The following NEO1 variants were observed in gnomAD, a reference collection of about 807,000 sequenced individuals.
NEO1 encodes the protein neogenin.
In NEO1, 63 loss-of-function variants were observed where a neutral mutation model predicts 159.7. The observed-to-expected ratio is 0.39, with a 90% CI of 0.32 to 0.49. The LOEUF (loss-of-function observed/expected upper bound fraction) is 0.49. Ranked by LOEUF, NEO1 falls within the 20% of genes least tolerant of loss-of-function variation. The pLI is 0.85. For missense variants in NEO1, 1,615 were observed against 1,831.0 expected (o/e 0.88, Z 2.15); for synonymous variants, 633 against 662.0 (o/e 0.96, Z 0.67).
chr15:73,194,333 G>A (rs2036411554), intron 7 of NEO1, among the ~76,000 whole-genome samples: 1 of 152,114 alleles, frequency 6.6e-6, no homozygotes, highest in Non-Finnish European at 1.5e-5. Context: ...TAGTTCATTT[G>A]CATTGCTATA....
chr15:73,124,988 T>C (rs1159563589), intron 3 of NEO1, among the ~76,000 whole-genome samples: 1 of 152,246 alleles, frequency 6.6e-6, no homozygotes, highest in Non-Finnish European at 1.5e-5. Flanking sequence ...TTATTCAGTC[T>C]GCTTGCTCAC....
In NEO1 at chr15:73,148,256, G is replaced by A. The variant is rs141496130; in HGVS notation, c.1015+12229G>A. 1.8e-3 allele frequency among the ~76,000 whole-genome samples: 273 copies of A among 152,222 alleles called. 1 individual carries two copies. The highest frequency in any genetic ancestry group is 6.4e-3 in the African/African-American group (265 of 41,532). On this transcript the variant is annotated intron_variant, in intron 5 of 28. Transcript: ENST00000261908. ...CTTAGTAATTTTAATTATATTGTCAGTAAGCTTCTTGTATTAAATATATTG... is the reference window on the plus strand; with the variant it reads ...CTTAGTAATTTTAATTATATTGTCAATAAGCTTCTTGTATTAAATATATTG...
At chr15:73,229,566 TC>T (rs1164235644) in intron 7 of NEO1, among the ~76,000 whole-genome samples, 6 of 152,066 alleles carry the variant, frequency 3.9e-5, no homozygotes, top group Non-Finnish European at 8.8e-5. Context: ...TTTCTCTTTT[TC>T]TTGCCATTTT....
intron 4 of NEO1, among the ~76,000 whole-genome samples, chr15:73,128,834 C>G (rs2030696391): frequency 1.3e-5 from 2 of 152,010 alleles, no homozygotes; most frequent in South Asian, 4.1e-4. Flanking sequence ...CCTGAAACAT[C>G]CAATTTTATT....
intron 9 of NEO1, among the ~76,000 whole-genome samples, chr15:73,245,828 G>A (rs538056200): frequency 1.8e-4 from 28 of 151,628 alleles, no homozygotes; most frequent in African/African-American, 6.3e-4. Flanking sequence ...TGATCCGCCC[G>A]CCTCGGCCTC....
intron 8 of NEO1, among the ~76,000 whole-genome samples, chr15:73,241,450 T>C (rs2039480936): frequency 6.6e-6 from 1 of 152,100 alleles, no homozygotes; most frequent in South Asian, 2.1e-4. Context: ...ATTTTGCCTC[T>C]TGGCCTATAA....
intron 5 of NEO1, among the ~76,000 whole-genome samples, chr15:73,152,908 G>T (rs1218786903): frequency 2.0e-5 from 3 of 152,148 alleles, no homozygotes; most frequent in African/African-American, 4.8e-5. Flanking sequence ...GAAACTGTGG[G>T]TGTATGTTTA....
chr15:73,302,506 T>G, intron 28 of NEO1, 107 bp from the exon 29 acceptor site: 1 of 971,832 alleles, frequency 1.0e-6, no homozygotes, highest in Middle Eastern at 2.2e-4. Flanking sequence ...GCCAGTTTTC[T>G]GGGGCCATTT....
intron 20 of NEO1, 41 bp downstream of exon 20, chr15:73,274,046 T>C (rs1446112724): frequency 6.4e-7 from 1 of 1,574,266 alleles, no homozygotes; most frequent in Non-Finnish European, 8.7e-7. Context: ...TGTGTCTCTT[T>C]AGTGGGGCTA....
At chr15:73,216,243 C>G (rs2037875576) in intron 7 of NEO1, among the ~76,000 whole-genome samples, 1 of 152,150 alleles carries the variant, frequency 6.6e-6, no homozygotes, top group African/African-American at 2.4e-5. Flanking sequence ...TCATCCGTGT[C>G]CCTACAAAAG....
chr15:73,190,348 A>G (rs906537081), intron 7 of NEO1, among the ~76,000 whole-genome samples: 13 of 152,132 alleles, frequency 8.5e-5, no homozygotes, highest in African/African-American at 3.1e-4. Context: ...TTTTAGTTCT[A>G]GTAAAGGAAG....
chr15:73,266,488 C>G, intron 16 of NEO1, 77 bp downstream of exon 16: 1 of 1,050,026 alleles, frequency 9.5e-7, no homozygotes, highest in Non-Finnish European at 1.3e-6. Flanking sequence ...AGGCCTATCC[C>G]ATAGGTGTTA....
intron 7 of NEO1, among the ~76,000 whole-genome samples, chr15:73,193,154 T>G (rs1440090221): frequency 6.6e-6 from 1 of 152,124 alleles, no homozygotes; most frequent in African/African-American, 2.4e-5. Context: ...TAAGTATAAT[T>G]TATTAAAATT....
intron 26 of NEO1, among the ~76,000 whole-genome samples, chr15:73,296,503 A>G (rs922969345): frequency 2.0e-5 from 3 of 152,148 alleles, no homozygotes; most frequent in Non-Finnish European, 2.9e-5. Flanking sequence ...CCATGGACCC[A>G]AGATCAGAGG....
intron 5 of NEO1, among the ~76,000 whole-genome samples, chr15:73,174,388 A>C (rs966528462): frequency 3.3e-5 from 5 of 152,170 alleles, no homozygotes; most frequent in Non-Finnish European, 7.3e-5. Context: ...TGGGCTGGAC[A>C]GATGATAAGC....
At chr15:73,171,499 G>A (rs1024537954) in intron 5 of NEO1, among the ~76,000 whole-genome samples, 4 of 151,946 alleles carry the variant, frequency 2.6e-5, no homozygotes, top group African/African-American at 9.7e-5. Context: ...GGGAAGTCGA[G>A]GCTGCAGTGA....
At chr15:73,115,255 C>A (rs534846572) in intron 1 of NEO1, among the ~76,000 whole-genome samples, 295 of 152,266 alleles carry the variant, frequency 1.9e-3, no homozygotes, top group Non-Finnish European at 3.5e-3. Flanking sequence ...GTTGGCCAGG[C>A]TGGTCTCGAA....
At chr15:73,073,439 T>G (rs1028431335) in intron 1 of NEO1, among the ~76,000 whole-genome samples, 7 of 151,676 alleles carry the variant, frequency 4.6e-5, no homozygotes, top group Admixed American at 2.6e-4. Context: ...ATGAGTTGGG[T>G]GTGTGTGTGT....
intron 26 of NEO1, among the ~76,000 whole-genome samples, chr15:73,293,975 C>T (rs1185805670): frequency 6.6e-6 from 1 of 152,180 alleles, no homozygotes; most frequent in Non-Finnish European, 1.5e-5. Flanking sequence ...AGGTTACTTC[C>T]ACCGTGGACC....
Sources: allele counts gnomAD v4.1 joint callset (sites outside exome capture counted in the v4.1 genomes callset), GRCh38; gene constraint gnomAD v4.1.1; transcripts MANE v1.5; gene names NCBI Gene and HGNC (gene_info 2026-07-23, HGNC 2026-07-21).